CLEC2A: variants seen among roughly 807,000 people sequenced by gnomAD.
CLEC2A encodes the protein keratinocyte-associated C-type lectin.
CLEC2A carries 19 observed loss-of-function variants against 18.6 expected under a neutral mutation model. That is an observed-to-expected ratio of 1.02 (90% CI 0.71 to 1.50). The LOEUF (loss-of-function observed/expected upper bound fraction) is 1.50, where lower values mean the gene tolerates loss of function less well. CLEC2A is among the 40% of genes most tolerant of loss of function. The pLI is 0.00. For missense variants in CLEC2A, 190 were observed against 207.9 expected (o/e 0.91, Z 0.53); for synonymous variants, 74 against 64.0 (o/e 1.16, Z -0.75).
At chr12:9,905,885 T>C (rs1282530293) in intron 4 of CLEC2A, among the ~76,000 whole-genome samples, 2 of 152,200 alleles carry the variant, frequency 1.3e-5, no homozygotes, top group African/African-American at 2.4e-5. Flanking sequence ...GTAAATGAGG[T>C]GATCCACTAT....
chr12:9,893,631 T>C, the CLEC2A span: 1 of 487,628 alleles, frequency 2.1e-6, no homozygotes, highest in Non-Finnish European at 3.5e-6. Context: ...TTTTCCTTCT[T>C]TCTCTGTTTT....
At chr12:9,921,115 G>C (rs1863165527) in intron 3 of CLEC2A, among the ~76,000 whole-genome samples, 1 of 152,142 alleles carries the variant, frequency 6.6e-6, no homozygotes, top group South Asian at 2.1e-4. Flanking sequence ...CATCTTTAAA[G>C]TAGGGAGAGT....
the CLEC2A span, among the ~76,000 whole-genome samples, chr12:9,881,998 G>A: frequency 6.7e-4 from 102 of 151,548 alleles, no homozygotes; most frequent in African/African-American, 2.3e-3. Flanking sequence ...AACTTAAAGC[G>A]TATATATATG....
downstream of CLEC2A, among the ~76,000 whole-genome samples, chr12:9,897,628 T>TCA (rs1326469625): frequency 6.7e-6 from 1 of 149,500 alleles, no homozygotes; most frequent in Non-Finnish European, 1.5e-5. Context: ...TACCAGGCGA[T>TCA]CACACACACA....
Position 9,916,759 on chromosome 12 carries a change from T to G in CLEC2A, c.351A>C (p.Gly117=), listed in dbSNP as rs560101406. The part of the protein sequence containing the change: ...RYAGTDMHWI[G]LSRKQGDSWK... ...AAGAATCTCCTTGTTTCCTGCTTAG[T>G]CCAATCCAGTGCATATCAGTTCCTG... Residue 117 remains glycine (G), a synonymous_variant, in exon 4 of 5, where the codon GGA becomes GGC. Transcript: ENST00000455827. 10 of 1,551,548 alleles carry G rather than the reference T, an allele frequency of 6.4e-6. No homozygotes were observed. In the East Asian group the frequency reaches 2.2e-4, roughly 34 times the overall value.
At chr12:9,902,233 A>T (rs866813189) in intron 4 of CLEC2A, among the ~76,000 whole-genome samples, 1,687 of 132,486 alleles carry the variant, frequency 0.013, 27 homozygotes, top group African/African-American at 0.04. Context: ...AAGGTTTGCC[A>T]TTTTTTTTTT....
At chr12:9,899,625 C>T (rs1244551621) in intron 4 of CLEC2A, among the ~76,000 whole-genome samples, 1 of 152,166 alleles carries the variant, frequency 6.6e-6, no homozygotes, top group Admixed American at 6.5e-5. Context: ...CAGGTCCTGC[C>T]AAGAGTGCCA....
chr12:9,915,936 T>G (rs1863064433), intron 4 of CLEC2A, among the ~76,000 whole-genome samples: 1 of 151,628 alleles, frequency 6.6e-6, no homozygotes, highest in Admixed American at 6.6e-5. Context: ...AAGTATAATT[T>G]GTCCTGTCTT....
At chr12:9,904,789 T>C (rs1013473482) in intron 4 of CLEC2A, among the ~76,000 whole-genome samples, 1 of 152,114 alleles carries the variant, frequency 6.6e-6, no homozygotes, top group African/African-American at 2.4e-5. Context: ...ACTTACAATT[T>C]GGTGGGGTGG....
At chr12:9,920,830 A>G (rs536659565) in intron 3 of CLEC2A, among the ~76,000 whole-genome samples, 1 of 152,262 alleles carries the variant, frequency 6.6e-6, no homozygotes, top group South Asian at 2.1e-4. Context: ...CGAAGTGCAC[A>G]TATTTCCTTC....
At chr12:9,881,604 T>C in the CLEC2A span, 1 of 1,533,538 alleles carries the variant, frequency 6.5e-7, no homozygotes, top group Non-Finnish European at 8.7e-7. Context: ...AGATGGAGAA[T>C]GAAGATGGGT....
the CLEC2A span, chr12:9,888,838 C>G: frequency 1.9e-6 from 2 of 1,062,870 alleles, no homozygotes; most frequent in Non-Finnish European, 1.4e-6. Context: ...GTTTTGGCTT[C>G]CCTCTTCCTG....
chr12:9,920,142 GT>G (rs1480008702), intron 3 of CLEC2A, among the ~76,000 whole-genome samples: 1 of 152,242 alleles, frequency 6.6e-6, no homozygotes, highest in East Asian at 1.9e-4. Context: ...CTCCAAGCCA[GT>G]GGGTCCTATC....
chr12:9,894,857 T>C (rs889208771), downstream of CLEC2A, among the ~76,000 whole-genome samples: 4 of 152,012 alleles, frequency 2.6e-5, no homozygotes, highest in African/African-American at 9.7e-5. Flanking sequence ...TTTATTATAA[T>C]TAATATTATT....
chr12:9,922,021 TACAA>T (rs771556034), intron 3 of CLEC2A, 41 bp downstream of exon 3: 6 of 1,423,548 alleles, frequency 4.2e-6, no homozygotes, highest in South Asian at 2.9e-5. Flanking sequence ...TATGTTTTTA[TACAA>T]ACAATCTCTG....
At chr12:9,913,836 A>G (rs1430361743) in intron 4 of CLEC2A, among the ~76,000 whole-genome samples, 156 bp from the exon 5 acceptor site, 1 of 152,238 alleles carries the variant, frequency 6.6e-6, no homozygotes, top group Non-Finnish European at 1.5e-5. Flanking sequence ...AATATCTGGT[A>G]TATTAAGGGA....
the CLEC2A span, among the ~76,000 whole-genome samples, chr12:9,878,659 C>T: frequency 3.9e-5 from 6 of 152,128 alleles, no homozygotes; most frequent in Non-Finnish European, 7.4e-5. Context: ...AGAGAATTGG[C>T]CCAGGCATAG....
intron 4 of CLEC2A, among the ~76,000 whole-genome samples, chr12:9,905,986 C>G (rs147608758): frequency 1.5e-3 from 222 of 151,494 alleles, no homozygotes; most frequent in African/African-American, 5.3e-3. Flanking sequence ...GATTTCTTCC[C>G]CCAAGTGGTG....
At chr12:9,925,659 T>A (rs1299819358) in intron 2 of CLEC2A, among the ~76,000 whole-genome samples, 4 of 11,974 alleles carry the variant, frequency 3.3e-4, no homozygotes, top group East Asian at 3.3e-3. Flanking sequence ...TATGTGGGAT[T>A]TTTTTTTATA....
Sources: gnomAD v4.1 joint callset for allele counts (sites outside exome capture counted in the v4.1 genomes callset) on GRCh38, gnomAD v4.1.1 for gene constraint, MANE v1.5 for transcripts, NCBI Gene and HGNC (gene_info 2026-07-23, HGNC 2026-07-21) for gene names.